Variants in SCML4 observed in about 807,000 individuals in gnomAD.
SCML4 encodes the protein Scm polycomb group protein like 4, also known as sex comb on midleg-like protein 4.
Under a neutral mutation model 41.1 loss-of-function variants are expected in SCML4, and 34 were observed. That is an observed-to-expected ratio of 0.83 (90% CI 0.63 to 1.10). SCML4 has a LOEUF of 1.10. SCML4 is among the 50% of genes least tolerant of loss of function. SCML4 has a pLI of 0.00. For missense variants in SCML4, 522 were observed against 534.1 expected, an observed-to-expected ratio of 0.98 and a Z score of 0.22; for synonymous variants, 214 against 220.9, an observed-to-expected ratio of 0.97 and a Z score of 0.28.
chr6:107,727,998 A>T (rs1344513565), intron 5 of SCML4, among the ~76,000 whole-genome samples: 3 of 152,246 alleles, frequency 2.0e-5, no homozygotes, highest in Admixed American at 2.0e-4. Flanking sequence ...TAAACATTTG[A>T]GCCAATGTTA....
chr6:107,761,659 A>G (rs1779607167), intron 2 of SCML4, among the ~76,000 whole-genome samples: 1 of 151,836 alleles, frequency 6.6e-6, no homozygotes, highest in Admixed American at 6.6e-5. Context: ...CTGGTCTCAA[A>G]CTCCTGACCT....
intron 2 of SCML4, among the ~76,000 whole-genome samples, chr6:107,760,224 G>A (rs1779476041): frequency 6.6e-6 from 1 of 152,176 alleles, no homozygotes; most frequent in East Asian, 1.9e-4. Context: ...ATTAGGATCA[G>A]TCAATTGAAA....
At chr6:107,826,924 G>A (rs1348705659), upstream of SCML4, among the ~76,000 whole-genome samples, 2 of 151,966 alleles carry the variant, frequency 1.3e-5, no homozygotes, top group Non-Finnish European at 2.9e-5. Flanking sequence ...TTAGCTGGGA[G>A]TGGTGGCAGG....
intron 2 of SCML4, among the ~76,000 whole-genome samples, chr6:107,763,579 G>T (rs146854592): frequency 0.014 from 2,087 of 152,150 alleles, 58 homozygotes; most frequent in African/African-American, 0.048. Flanking sequence ...TAGAGACAGG[G>T]TTTCACCACA....
At position 107,704,976 on chromosome 6, in the gene SCML4, T is replaced by G. The variant is rs1385620260; in HGVS notation, c.*224A>C. On this transcript the variant is annotated 3_prime_UTR_variant, in exon 8 of 8. Coordinates refer to ENST00000369020, the MANE Select transcript of SCML4 (RefSeq NM_198081.5). ...CAGGGATGTTAAAAATCACAGGCTT[T>G]TGTAATTTTTTGGCAAATTATGAAC... 6.7e-6 allele frequency: 4 copies of G among 594,390 alleles called. No individual in the cohort carries two copies. Among genetic ancestry groups the G allele is most frequent in the Non-Finnish European group, 1.2e-5 (4 of 336,764 alleles). The allele number at this position is 594,390 out of a possible 1,614,324, so 36.8% of individuals were successfully genotyped here.
chr6:107,746,711 G>A lies in SCML4; in HGVS notation c.465C>T (p.Gly155=), dbSNP rs41287522. Residue 155 remains glycine, a synonymous_variant, in exon 4 of 8, where the codon GGC becomes GGT. Coordinates refer to ENST00000369020, the MANE Select transcript of SCML4 (RefSeq NM_198081.5). ...TACCTGACACCATCTCACCACCATAGCCCTGCTTGACCAGGGAGAAGACCA... is the reference window on the plus strand; with the variant it reads ...TACCTGACACCATCTCACCACCATAACCCTGCTTGACCAGGGAGAAGACCA... The part of the protein sequence containing the change: ...QKLVFSLVKQ[G]YGGEMVSVSA... The A allele has an allele frequency of 3.9e-3, 6,355 of 1,614,052 alleles. 109 individuals are homozygous for A. The East Asian group carries it at 0.06, about 15-fold the overall frequency.
intron 5 of SCML4, among the ~76,000 whole-genome samples, chr6:107,741,415 A>G (rs1777587364): frequency 6.6e-6 from 1 of 152,200 alleles, no homozygotes; most frequent in Non-Finnish European, 1.5e-5. Context: ...CTTGGTTTCC[A>G]TGGCAGGAGG....
intron 1 of SCML4, among the ~76,000 whole-genome samples, chr6:107,799,327 G>A (rs1024183526): frequency 6.6e-6 from 1 of 152,058 alleles, no homozygotes; most frequent in African/African-American, 2.4e-5. Flanking sequence ...CTTTATTTCT[G>A]ATAAAACTGC....
At chr6:107,842,502 A>G in the SCML4 span, among the ~76,000 whole-genome samples, 1 of 152,186 alleles carries the variant, frequency 6.6e-6, no homozygotes, top group Non-Finnish European at 1.5e-5. Context: ...GGTTCAAGCC[A>G]TTCTCCTGCC....
At chr6:107,781,294 C>T (rs1038804759) in intron 1 of SCML4, among the ~76,000 whole-genome samples, 1 of 152,000 alleles carries the variant, frequency 6.6e-6, no homozygotes, top group African/African-American at 2.4e-5. Context: ...AGGAATTGAC[C>T]CAGGAACAAA....
intron 1 of SCML4, among the ~76,000 whole-genome samples, chr6:107,788,246 C>T (rs1330959668): frequency 1.3e-5 from 2 of 152,180 alleles, no homozygotes; most frequent in East Asian, 3.8e-4. Flanking sequence ...GGGCAGTAAG[C>T]AGAATAGCAG....
intron 6 of SCML4, among the ~76,000 whole-genome samples, chr6:107,709,095 A>T (rs989097376): frequency 6.6e-5 from 10 of 151,858 alleles, no homozygotes; most frequent in African/African-American, 2.4e-4. Flanking sequence ...CCTAATGGGT[A>T]TTTTTGGGCC....
At chr6:107,844,476 T>C in the SCML4 span, among the ~76,000 whole-genome samples, 1 of 152,202 alleles carries the variant, frequency 6.6e-6, no homozygotes, top group Non-Finnish European at 1.5e-5. Context: ...GGCTGGAGGA[T>C]CACTTGAGGC....
chr6:107,724,405 G>C (rs1270699623), intron 5 of SCML4, among the ~76,000 whole-genome samples: 1 of 152,196 alleles, frequency 6.6e-6, no homozygotes, highest in Non-Finnish European at 1.5e-5. Flanking sequence ...CTACTTAAAA[G>C]ACTGTTGGAA....
chr6:107,726,875 C>T (rs1416281321), intron 5 of SCML4, among the ~76,000 whole-genome samples: 1 of 152,112 alleles, frequency 6.6e-6, no homozygotes, highest in Non-Finnish European at 1.5e-5. Context: ...GTAGAATTAC[C>T]ATAAGAACCA....
chr6:107,749,414 C>T (rs1778417204), intron 3 of SCML4, among the ~76,000 whole-genome samples: 1 of 152,084 alleles, frequency 6.6e-6, no homozygotes, highest in Admixed American at 6.6e-5. Context: ...CCACCCTGTG[C>T]CCCGCTGTCA....
intron 5 of SCML4, among the ~76,000 whole-genome samples, chr6:107,738,064 T>C (rs538988168): frequency 9.2e-5 from 14 of 152,154 alleles, no homozygotes; most frequent in Admixed American, 2.0e-4. Flanking sequence ...TATACTTGGG[T>C]CTTTTTAAAT....
chr6:107,764,218 A>G (rs1779855434), intron 2 of SCML4, among the ~76,000 whole-genome samples: 1 of 152,110 alleles, frequency 6.6e-6, no homozygotes, highest in African/African-American at 2.4e-5. Context: ...CTACTCGTAC[A>G]TTTTTCCTTC....
rs544985932 is a variant in SCML4, at chr6:107,702,368, C to T, written c.*2832G>A. On this transcript the variant is annotated 3_prime_UTR_variant, in exon 8 of 8. Transcript: ENST00000369020. ...CTCGCCTGAAAACTACTCAAGGGATCTCTTTGACATTGTTTGGGGCTGATT... is the reference window on the plus strand; with the variant it reads ...CTCGCCTGAAAACTACTCAAGGGATTTCTTTGACATTGTTTGGGGCTGATT... 6.6e-6 allele frequency among the ~76,000 whole-genome samples: 1 copy of T among 152,246 alleles called. No individual in the cohort carries two copies. The highest frequency in any genetic ancestry group is 1.9e-4 in the East Asian group (1 of 5,186).
Sources: gnomAD v4.1 joint callset for allele counts (sites outside exome capture counted in the v4.1 genomes callset) on GRCh38, gnomAD v4.1.1 for gene constraint, MANE v1.5 for transcripts, NCBI Gene and HGNC (gene_info 2026-07-23, HGNC 2026-07-21) for gene names.